Variants in SLC29A4 observed in about 807,000 individuals in gnomAD.
SLC29A4 encodes the protein solute carrier family 29 member 4.
Under a neutral mutation model 43.9 loss-of-function variants are expected in SLC29A4, and 36 were observed. The ratio of observed to expected loss-of-function variants is 0.82; its 90% CI spans 0.63 to 1.08. The LOEUF is 1.08. SLC29A4 is among the 50% of genes least tolerant of loss of function. The pLI is 0.00. For synonymous variants in SLC29A4, 491 were observed against 338.0 expected (o/e 1.45, Z -4.97); for missense variants, 869 against 755.3 (o/e 1.15, Z -1.77).
At chr7:5,284,037 C>G (rs1032381126) in intron 1 of SLC29A4, among the ~76,000 whole-genome samples, 5 of 101,162 alleles carry the variant, frequency 4.9e-5, no homozygotes, top group Non-Finnish European at 9.0e-5. Flanking sequence ...GCACGACCCC[C>G]CCCCCCACCC....
At chr7:5,294,716 G>A in intron 5 of SLC29A4, 144 bp from the exon 6 acceptor site, 2 of 814,282 alleles carry the variant, frequency 2.5e-6, no homozygotes, top group East Asian at 5.0e-5. Flanking sequence ...TGTTCCTACT[G>A]CTGCGTGTCA....
At chr7:5,288,596 A>T (rs1358988356) in intron 2 of SLC29A4, among the ~76,000 whole-genome samples, 6 of 152,002 alleles carry the variant, frequency 3.9e-5, no homozygotes, top group Admixed American at 3.9e-4. Context: ...CCGTCCGCTG[A>T]CCCATAAAGC....
rs893185649 is a variant in SLC29A4 at position 5,303,506 on chromosome 7, T to C, written c.*567T>C. The C allele has an allele frequency of 6.4e-6, 1 of 156,494 alleles. No homozygotes were observed. Among genetic ancestry groups the C allele is most frequent in the Non-Finnish European group, 1.4e-5 (1 of 71,332 alleles). The allele number at this position is 156,494 out of a possible 1,614,324, so 9.7% of individuals were successfully genotyped here. Reference sequence around the variant, plus strand: ...TCTCCCAAACATAACGCGTTAGCCATGAAGGAGTCGGAGCCCTGGGTCCGA... The same window carrying C: ...TCTCCCAAACATAACGCGTTAGCCACGAAGGAGTCGGAGCCCTGGGTCCGA... On this transcript the variant is annotated 3_prime_UTR_variant, in exon 11 of 11. Transcript: ENST00000396872.
intron 5 of SLC29A4, 126 bp from the exon 6 acceptor site, chr7:5,294,734 C>G: frequency 2.2e-6 from 2 of 915,524 alleles, no homozygotes; most frequent in Non-Finnish European, 3.6e-6. Context: ...TCAAATCTCT[C>G]TGCCATTAGT....
At chr7:5,291,657 C>G in intron 4 of SLC29A4, 36 bp from the exon 5 acceptor site, 1 of 1,551,344 alleles carries the variant, frequency 6.4e-7, no homozygotes, top group Non-Finnish European at 8.7e-7. Flanking sequence ...ACCCAGTTGG[C>G]TCCACCACTC....
Position 5,297,752 on chromosome 7 carries a change from C to T in SLC29A4, c.882+554C>T, listed in dbSNP as rs577650205. Reference sequence around the variant, plus strand: ...CCCCCAGAATTTCCCACAGAAGTCGCCAGCCAGGAAAGGGAGTGGTCTCCC... The same window carrying T: ...CCCCCAGAATTTCCCACAGAAGTCGTCAGCCAGGAAAGGGAGTGGTCTCCC... On this transcript the variant is annotated intron_variant, in intron 7 of 10. Coordinates refer to ENST00000396872, the MANE Select transcript of SLC29A4 (RefSeq NM_153247.4). Among the ~76,000 whole-genome samples the T allele has an allele frequency of 2.8e-3, 427 of 152,292 alleles. 4 individuals are homozygous for T. The highest frequency in any genetic ancestry group is 4.2e-3 in the Non-Finnish European group (288 of 68,010).
In SLC29A4 at chr7:5,305,557, C is replaced by CTTTTTTTT. The variant is rs71535200; in HGVS notation, c.*2630_*2637dup. On this transcript the variant is annotated 3_prime_UTR_variant, in exon 11 of 11. Coordinates refer to ENST00000396872, the MANE Select transcript of SLC29A4 (RefSeq NM_153247.4). ...GCATGGCTGGAAATGTGCAGCTTTG[C>CTTTTTTTT]TTTTTTTTTTTTTTTTTTTGGAGGA... is the stretch of plus-strand genomic sequence containing the variant. 9.4e-6 allele frequency: 1 copy of CTTTTTTTT among 106,632 alleles called. No individual in the cohort carries two copies. 6.6% of individuals were successfully genotyped at this position (106,632 alleles called of 1,614,324 possible). A position where few individuals can be genotyped will look rare whatever the true frequency, so the allele number is the denominator to read the frequency against.
chr7:5,303,347 A>T lies in SLC29A4; in HGVS notation c.*408A>T. On this transcript the variant is annotated 3_prime_UTR_variant, in exon 11 of 11. Transcript: ENST00000396872. ...CGGCCCTCATCACCCACCGGCACTG[A>T]TCGGGGCACCGCCTGGCCCAGCCTC... 1 of 245,616 alleles carries T rather than the reference A, an allele frequency of 4.1e-6. No homozygotes were observed. Among genetic ancestry groups the T allele is most frequent in the Non-Finnish European group, 7.9e-6 (1 of 127,372 alleles). The allele number at this position is 245,616 out of a possible 1,614,324, so 15.2% of individuals were successfully genotyped here.
At chr7:5,296,616 G>A (rs1470811183) in intron 6 of SLC29A4, among the ~76,000 whole-genome samples, 1 of 110,384 alleles carries the variant, frequency 9.1e-6, no homozygotes, top group Admixed American at 9.4e-5. Context: ...GCAGCTGGGC[G>A]TGGCTGAGTG....
At chr7:5,292,174 G>A (rs1306690595) in intron 5 of SLC29A4, among the ~76,000 whole-genome samples, 1 of 152,056 alleles carries the variant, frequency 6.6e-6, no homozygotes, top group East Asian at 1.9e-4. Context: ...GCAGTGGCAT[G>A]ATCATAGCTC....
chr7:5,297,029 CGGT>C lies in SLC29A4; in HGVS notation c.716_718del (p.Val239del). The C allele has an allele frequency of 1.2e-6, 2 of 1,606,674 alleles. No individual in the cohort carries two copies. The highest frequency in any genetic ancestry group is 1.7e-6 in the Non-Finnish European group (2 of 1,179,698). Reference sequence around the variant, plus strand: ...AGCACGCTCATCTTCTTCCTGGTGTCGGTGGCGCTGGAGCTGCTGTGTTTCCTG... The same window carrying C: ...AGCACGCTCATCTTCTTCCTGGTGTCGGCGCTGGAGCTGCTGTGTTTCCTG... On this transcript the variant is annotated inframe_deletion, in exon 7 of 11. Transcript: ENST00000396872.
chr7:5,299,827 A>C (rs1786008948), intron 9 of SLC29A4, among the ~76,000 whole-genome samples: 1 of 152,248 alleles, frequency 6.6e-6, no homozygotes, highest in Non-Finnish European at 1.5e-5. Context: ...AGAGATGGGT[A>C]GATCACTTGA....
chr7:5,286,987 C>T (rs1784993953), intron 1 of SLC29A4, among the ~76,000 whole-genome samples: 2 of 152,236 alleles, frequency 1.3e-5, no homozygotes, highest in Admixed American at 1.3e-4. Context: ...TATTCCTCCA[C>T]TCCATCTATT....
At chr7:5,292,629 C>T (rs1412257028) in intron 5 of SLC29A4, among the ~76,000 whole-genome samples, 2 of 148,914 alleles carry the variant, frequency 1.3e-5, no homozygotes, top group South Asian at 2.1e-4. Flanking sequence ...ATGTCATCAC[C>T]TTTCTTGCCT....
intron 1 of SLC29A4, among the ~76,000 whole-genome samples, chr7:5,286,029 A>AAAAAACG (rs1784923595): frequency 6.6e-6 from 1 of 151,846 alleles, no homozygotes; most frequent in African/African-American, 2.4e-5. Context: ...AACAAAAAAC[A>AAAAAACG]AAAAAATCAA....
rs1786093136 is a variant in SLC29A4 at position 5,300,643 on chromosome 7, C to T, written c.1431C>T (p.Pro477=). ...TCCTGGCGGCAGGCAAAGTGAGCCC[C>T]AAGCAGCGGGAGCTGGCAGGTGAGG... The part of the protein sequence containing the change: ...PMILAAGKVS[P]KQRELAGNTM... The change falls in exon 10 of 11, where the codon CCC becomes CCT. Residue 477 remains proline, a synonymous_variant. Coordinates refer to ENST00000396872, the MANE Select transcript of SLC29A4 (RefSeq NM_153247.4). 6.2e-7 allele frequency: 1 copy of T among 1,609,294 alleles called. No homozygotes were observed. The highest frequency in any genetic ancestry group is 8.5e-7 in the Non-Finnish European group (1 of 1,178,906).
rs775532633 is a variant in SLC29A4 at position 5,297,088 on chromosome 7, G to A, written c.772G>A (p.Val258Met). ...LHLLVRRSRF[V>M]LFYTTRPRDS... ...CCTGTTAGTGCGGCGCAGCCGCTTC[G>A]TGCTCTTCTATACCACACGGCCGCG... The change falls in exon 7 of 11, where the codon GTG becomes ATG. Residue 258 changes from valine to methionine, a missense_variant. Coordinates refer to ENST00000396872, the MANE Select transcript of SLC29A4 (RefSeq NM_153247.4). 40 of 1,607,798 alleles carry A rather than the reference G, an allele frequency of 2.5e-5. No homozygotes were observed. The highest frequency in any genetic ancestry group is 1.8e-4 in the Middle Eastern group (1 of 5,462).
intron 6 of SLC29A4, among the ~76,000 whole-genome samples, chr7:5,295,990 C>T (rs554302527): frequency 5.9e-5 from 9 of 152,116 alleles, no homozygotes; most frequent in African/African-American, 1.9e-4. Flanking sequence ...TGGGCAGTGG[C>T]GCATGGTCAC....
At chr7:5,301,643 C>T (rs961440745) in intron 10 of SLC29A4, among the ~76,000 whole-genome samples, 1 of 152,152 alleles carries the variant, frequency 6.6e-6, no homozygotes, top group African/African-American at 2.4e-5. Context: ...AGTCCAGGCC[C>T]TTGAGAATGG....
Sources: gnomAD v4.1 joint callset for allele counts (sites outside exome capture counted in the v4.1 genomes callset) on GRCh38, gnomAD v4.1.1 for gene constraint, MANE v1.5 for transcripts, NCBI Gene and HGNC (gene_info 2026-07-23, HGNC 2026-07-21) for gene names.